Variants in DDX60L observed in about 807,000 individuals in gnomAD.
DDX60L encodes the protein probable ATP-dependent RNA helicase DDX60-like.
Under a neutral mutation model 211.6 loss-of-function variants are expected in DDX60L, and 191 were observed. That is an observed-to-expected ratio of 0.90 (90% confidence interval 0.80 to 1.02). The LOEUF is 1.02. Among genes scored for constraint, DDX60L ranks in the 50% least tolerant of loss-of-function variants. DDX60L has a pLI of 0.00. For missense variants in DDX60L, 2,007 were observed against 1,984.1 expected, an observed-to-expected ratio of 1.01 and a Z score of -0.22; for synonymous variants, 706 against 694.1, an observed-to-expected ratio of 1.02 and a Z score of -0.27.
intron 22 of DDX60L, among the ~76,000 whole-genome samples, chr4:168,415,197 G>A (rs1749333884): frequency 6.6e-6 from 1 of 151,572 alleles, no homozygotes; most frequent in Non-Finnish European, 1.5e-5. Flanking sequence ...AATATCTCAT[G>A]TGCCCCATAT....
At chr4:168,359,226 A>C (rs780624257) in intron 37 of DDX60L, among the ~76,000 whole-genome samples, 1 of 152,214 alleles carries the variant, frequency 6.6e-6, no homozygotes, top group Non-Finnish European at 1.5e-5. Flanking sequence ...AATATTAGGA[A>C]TGATCACATC....
chr4:168,456,370 GT>G (rs556594560), intron 6 of DDX60L, among the ~76,000 whole-genome samples: 144 of 151,914 alleles, frequency 9.5e-4, no homozygotes, highest in African/African-American at 2.8e-3. Context: ...ACCTAAATAT[GT>G]AAAGAAATTA....
chr4:168,439,340 T>C (rs923504626), intron 10 of DDX60L, among the ~76,000 whole-genome samples: 2 of 151,986 alleles, frequency 1.3e-5, no homozygotes, highest in African/African-American at 4.8e-5. Context: ...AAGAGCCTGA[T>C]CCAATCATCT....
In DDX60L at chr4:168,405,889, T is replaced by A. The variant is rs1747665774; in HGVS notation, c.3213+61A>T. The A allele has an allele frequency of 1.5e-5, 22 of 1,465,654 alleles. 1 individual carries two copies. In the South Asian group the frequency reaches 2.8e-4, roughly 19 times the overall value. 90.8% of individuals were successfully genotyped at this position (1,465,654 alleles called of 1,614,324 possible). A position where few individuals can be genotyped will look rare whatever the true frequency, so the allele number is the denominator to read the frequency against. On this transcript the variant is annotated intron_variant, in intron 24 of 37. Coordinates refer to ENST00000682922, the MANE Select transcript of DDX60L (RefSeq NM_001012967.3). ...ACAAAACATTTATTGGCTAAATTAT[T>A]ATGCAACTCCAAACAATTAACAATT...
chr4:168,444,396 C>A (rs1754427258), intron 9 of DDX60L, among the ~76,000 whole-genome samples: 2 of 87,436 alleles, frequency 2.3e-5, no homozygotes, highest in Admixed American at 1.3e-4. Context: ...GAGTGACCTA[C>A]AAAGAGACTT....
At chr4:168,382,487 T>C (rs1743139445) in intron 30 of DDX60L, among the ~76,000 whole-genome samples, 1 of 152,028 alleles carries the variant, frequency 6.6e-6, no homozygotes, top group Non-Finnish European at 1.5e-5. Context: ...ATTTTATATT[T>C]AAAATATAAT....
chr4:168,393,283 G>A (rs1745175524), intron 28 of DDX60L, among the ~76,000 whole-genome samples: 1 of 152,060 alleles, frequency 6.6e-6, no homozygotes, highest in Non-Finnish European at 1.5e-5. Context: ...ATTACCTGAG[G>A]TCAGGAGTTT....
intron 10 of DDX60L, 87 bp downstream of exon 10, chr4:168,441,250 C>A (rs1050486690): frequency 1.9e-5 from 24 of 1,288,496 alleles, no homozygotes; most frequent in Middle Eastern, 4.6e-4. Context: ...AAATTATTTA[C>A]ACTTGGAAGA....
At chr4:168,477,552 C>A (rs370506199) in intron 1 of DDX60L, among the ~76,000 whole-genome samples, 23 of 152,138 alleles carry the variant, frequency 1.5e-4, no homozygotes, top group African/African-American at 5.6e-4. Context: ...AACAATTAAA[C>A]CATAACATAC....
chr4:168,394,734 C>T, intron 27 of DDX60L, 117 bp from the exon 28 acceptor site: 1 of 926,242 alleles, frequency 1.1e-6, no homozygotes. Context: ...CACAGTGAGG[C>T]TGCCCTTTGA....
In DDX60L at chr4:168,406,689, G is replaced by A. The variant is rs540253418; in HGVS notation, c.2997C>T (p.Phe999=). The change falls in exon 23 of 38, where the codon TTC becomes TTT. Residue 999 remains phenylalanine, a synonymous_variant. Coordinates refer to ENST00000682922, the MANE Select transcript of DDX60L (RefSeq NM_001012967.3). The part of the protein sequence containing the change: ...LTTDIIEKYG[F]PPDLTLTPQE... ...GAGGGGTGAGGGTAAGATCAGGTGG[G>A]AATCCATACTTTTCAATCTGTGAAT... is the stretch of plus-strand genomic sequence containing the variant. The A allele has an allele frequency of 1.3e-6, 2 of 1,597,438 alleles. No individual in the cohort carries two copies. The highest frequency in any genetic ancestry group is 1.7e-6 in the Non-Finnish European group (2 of 1,173,550).
Position 168,461,931 on chromosome 4 carries a change from C to T in DDX60L, c.374G>A (p.Gly125Glu). The T allele has an allele frequency of 6.2e-7, 1 of 1,612,644 alleles. No individual in the cohort carries two copies. Among genetic ancestry groups the T allele is most frequent in the Non-Finnish European group, 8.5e-7 (1 of 1,179,206 alleles). ...TNIDVQTEFS[G>E]CLSQDWKLFL... ...TAACTTCCAATCTTGTGATAAGCAT[C>T]CAGAAAACTCCGTTTGCACATCAAT... The change falls in exon 5 of 38, where the codon GGA becomes GAA. Residue 125 changes from glycine (G) to glutamate (E), a missense_variant. Coordinates refer to ENST00000682922, the MANE Select transcript of DDX60L (RefSeq NM_001012967.3).
At chr4:168,423,152 TAAG>T (rs1393310726) in intron 15 of DDX60L, among the ~76,000 whole-genome samples, 5 of 152,204 alleles carry the variant, frequency 3.3e-5, no homozygotes, top group Non-Finnish European at 7.4e-5. Flanking sequence ...AATATTTAAG[TAAG>T]AAGAGTTTTC....
Position 168,371,704 on chromosome 4 carries a change from T to C in DDX60L, c.4836A>G (p.Lys1612=). 6.2e-7 allele frequency: 1 copy of C among 1,612,520 alleles called. No homozygotes were observed. The highest frequency in any genetic ancestry group is 1.3e-5 in the African/African-American group (1 of 74,988). Residue 1612 remains lysine (K), a synonymous_variant, in exon 36 of 38, where the codon AAA becomes AAG. Coordinates refer to ENST00000682922, the MANE Select transcript of DDX60L (RefSeq NM_001012967.3). ...GTQAPLLWPW[K]LDNRGRRMPL... Reference sequence around the variant, plus strand: ...GCATTCTCCTTCCTCGGTTATCTAATTTCCATGGCCACAGCAGAGGAGCCT... The same window carrying C: ...GCATTCTCCTTCCTCGGTTATCTAACTTCCATGGCCACAGCAGAGGAGCCT...
chr4:168,415,559 G>C lies in DDX60L; in HGVS notation c.2870-42C>G, dbSNP rs17054114. ...AGAATATCCAAATTAATGGACATAC[G>C]ATTATTAGAATATGGATTTAAAACA... is the stretch of plus-strand genomic sequence containing the variant. On this transcript the variant is annotated intron_variant, in intron 21 of 37. Coordinates refer to ENST00000682922, the MANE Select transcript of DDX60L (RefSeq NM_001012967.3). 2.1e-6 allele frequency: 3 copies of C among 1,452,282 alleles called. No individual in the cohort carries two copies. In the South Asian group the frequency reaches 3.9e-5, roughly 19 times the overall value. The allele number at this position is 1,452,282 out of a possible 1,614,324, so 90.0% of individuals were successfully genotyped here. A position where few individuals can be genotyped will look rare whatever the true frequency, so the allele number is the denominator to read the frequency against.
intron 23 of DDX60L, 97 bp downstream of exon 23, chr4:168,406,505 G>A: frequency 1.2e-6 from 1 of 812,286 alleles, no homozygotes; most frequent in Non-Finnish European, 2.0e-6. Context: ...CAACCAAGTA[G>A]AGAGAATAAG....
At chr4:168,384,942 A>G (rs1743601577) in intron 29 of DDX60L, 130 bp from the exon 30 acceptor site, 2 of 917,736 alleles carry the variant, frequency 2.2e-6, no homozygotes, top group Admixed American at 2.5e-5. Flanking sequence ...AAACTAATCT[A>G]TGTTAACATG....
At chr4:168,404,172 G>T in intron 24 of DDX60L, 66 bp from the exon 25 acceptor site, 1 of 1,098,140 alleles carries the variant, frequency 9.1e-7, no homozygotes, top group East Asian at 3.2e-5. Context: ...AGAAAGAAAG[G>T]AATTATTTTG....
At chr4:168,416,649 T>C (rs1434269091) in intron 20 of DDX60L, 33 bp downstream of exon 20, 2 of 1,355,848 alleles carry the variant, frequency 1.5e-6, no homozygotes, top group South Asian at 2.7e-5. Flanking sequence ...AACCACTGAA[T>C]ATATAACAAC....
Sources: gnomAD v4.1 joint callset for allele counts (sites outside exome capture counted in the v4.1 genomes callset) on GRCh38, gnomAD v4.1.1 for gene constraint, MANE v1.5 for transcripts, NCBI Gene and HGNC (gene_info 2026-07-23, HGNC 2026-07-21) for gene names.